CAPN14: variants seen among roughly 807,000 people sequenced by gnomAD.
CAPN14 encodes the protein calpain-14.
CAPN14 carries 94 observed loss-of-function variants against 101.3 expected under a neutral mutation model. That is an observed-to-expected ratio of 0.93 (90% CI 0.79 to 1.10). The LOEUF is 1.10. Ranked by LOEUF, CAPN14 falls within the 50% of genes least tolerant of loss-of-function variation. The probability of loss-of-function intolerance (pLI) is 0.00; values close to 1 mark genes in which losing one functional copy is unlikely to be tolerated. For synonymous variants in CAPN14, 338 were observed against 317.9 expected, an observed-to-expected ratio of 1.06 and a Z score of -0.67; for missense variants, 837 against 828.4, an observed-to-expected ratio of 1.01 and a Z score of -0.13.
At position 31,197,312 on chromosome 2, in the gene CAPN14, T is replaced by G. The variant is rs1681516778; in HGVS notation, c.812A>C (p.Glu271Ala). The G allele has an allele frequency of 7.7e-6, 12 of 1,550,796 alleles. No homozygotes were observed. Among genetic ancestry groups the G allele is most frequent in the Non-Finnish European group, 1.0e-5 (12 of 1,145,986 alleles). Residue 271 changes from glutamate to alanine, a missense_variant, in exon 8 of 22, where the codon GAA (glutamate) becomes GCA (alanine). Glu to Ala is a moderately radical substitution (Grantham distance 107). Coordinates refer to ENST00000403897, the MANE Select transcript of CAPN14 (RefSeq NM_001145122.2). ...IRKVTCKHRPEYLVKLRNPWG... is the reference protein window; with the variant it reads ...IRKVTCKHRPAYLVKLRNPWG... ...GGGGTTCCGTAGCTTGACGAGATAT[T>G]CAGGTCTATGTTTGCAGGTCACCTG...
At chr2:31,229,003 A>T (rs1683107021) in intron 1 of CAPN14, among the ~76,000 whole-genome samples, 2 of 152,234 alleles carry the variant, frequency 1.3e-5, no homozygotes, top group Non-Finnish European at 2.9e-5. Flanking sequence ...GCTGAAAACA[A>T]ATGTTGAATG....
chr2:31,219,228 G>T (rs1682787231), upstream of CAPN14, among the ~76,000 whole-genome samples: 2 of 152,108 alleles, frequency 1.3e-5, no homozygotes, highest in Admixed American at 1.3e-4. Flanking sequence ...AGGCCCAAGG[G>T]CCATTTCCTC....
At chr2:31,180,913 C>T (rs915348830) in intron 17 of CAPN14, 23 bp downstream of exon 17, 3 of 1,547,970 alleles carry the variant, frequency 1.9e-6, no homozygotes, top group Non-Finnish European at 2.6e-6. Context: ...AGCAAGCATC[C>T]ACCCACAAAC....
Position 31,230,100 on chromosome 2 carries a change from G to T in CAPN14, c.-176-3449C>A, listed in dbSNP as rs1029808809. The stretch of plus-strand genomic sequence containing the variant: ...TATATAGGTAAACTAGTGTCATGGA[G>T]GTCTGTTGTACAGATGATTTCATCA... On this transcript the variant is annotated intron_variant and NMD_transcript_variant, in intron 1 of 21. Transcript: ENST00000398824. The surrounding 1 kb of genome is among the most constrained non-coding windows in gnomAD (Gnocchi z 4.3). 6.6e-6 allele frequency among the ~76,000 whole-genome samples: 1 copy of T among 152,108 alleles called. No homozygotes were observed. The highest frequency in any genetic ancestry group is 1.5e-5 in the Non-Finnish European group (1 of 68,026).
In CAPN14 at chr2:31,174,576, G is replaced by A; in HGVS notation, c.*105C>T. On this transcript the variant is annotated 3_prime_UTR_variant, in exon 22 of 22. Coordinates refer to ENST00000403897, the MANE Select transcript of CAPN14 (RefSeq NM_001145122.2). ...TGAGAAGGTGACGGCTAGTGAGGCT[G>A]TCCTGAAGATCAGTAAGTAGGGTGG... is the stretch of plus-strand genomic sequence containing the variant. 2.4e-6 allele frequency: 3 copies of A among 1,229,694 alleles called. No homozygotes were observed. The highest frequency in any genetic ancestry group is 2.3e-6 in the Non-Finnish European group (2 of 859,616). The allele number at this position is 1,229,694 out of a possible 1,614,324, so 76.2% of individuals were successfully genotyped here.
At chr2:31,183,746 A>G (rs998581093) in intron 16 of CAPN14, among the ~76,000 whole-genome samples, 4 of 151,802 alleles carry the variant, frequency 2.6e-5, no homozygotes, top group African/African-American at 9.7e-5. Context: ...GTGGGACTGT[A>G]AACTAGTCCT....
intron 2 of CAPN14, among the ~76,000 whole-genome samples, chr2:31,225,368 G>A (rs1682989566): frequency 6.6e-6 from 1 of 151,924 alleles, no homozygotes; most frequent in African/African-American, 2.4e-5. Flanking sequence ...GGGCTGGAGT[G>A]AGAGAAAAAA....
intron 1 of CAPN14, among the ~76,000 whole-genome samples, chr2:31,227,458 G>A (rs1471499448): frequency 6.6e-6 from 1 of 152,126 alleles, no homozygotes; most frequent in African/African-American, 2.4e-5. Flanking sequence ...CCTCACCTGT[G>A]TATTTTTATT....
upstream of CAPN14, among the ~76,000 whole-genome samples, chr2:31,220,961 C>G (rs58424184): frequency 5.3e-3 from 802 of 152,078 alleles, 10 homozygotes; most frequent in African/African-American, 0.019. Flanking sequence ...ATTGATGATT[C>G]CATATATAAC....
intron 2 of CAPN14, among the ~76,000 whole-genome samples, chr2:31,204,927 G>A (rs1681993211): frequency 6.6e-6 from 1 of 152,166 alleles, no homozygotes; most frequent in African/African-American, 2.4e-5. Flanking sequence ...ATTGCCATCT[G>A]AAGTAGGGGC....
At chr2:31,180,335 A>G (rs1448641744) in intron 17 of CAPN14, among the ~76,000 whole-genome samples, 2 of 151,494 alleles carry the variant, frequency 1.3e-5, no homozygotes, top group Non-Finnish European at 2.9e-5. Context: ...TGTCTTTACA[A>G]CCCCCCTTAG....
At chr2:31,222,572 G>T (rs777089726) in intron 2 of CAPN14, among the ~76,000 whole-genome samples, 1 of 152,172 alleles carries the variant, frequency 6.6e-6, no homozygotes, top group Non-Finnish European at 1.5e-5. Flanking sequence ...TGTTTGTTTT[G>T]TAATGAATAT....
rs1680170325 is a variant in CAPN14, at chr2:31,173,919, C to A, written c.*762G>T. The A allele has an allele frequency of 6.6e-6, 1 of 152,058 alleles. No homozygotes were observed. Among genetic ancestry groups the A allele is most frequent in the African/African-American group, 2.4e-5 (1 of 41,366 alleles). 9.4% of individuals were successfully genotyped at this position (152,058 alleles called of 1,614,324 possible). On this transcript the variant is annotated 3_prime_UTR_variant, in exon 22 of 22. Transcript: ENST00000403897. Reference sequence around the variant, plus strand: ...GTTTTTGTCCTTTGAAGTAGATAGACAGAGAATTTCTGGACAGATTTGAAA... The same window carrying A: ...GTTTTTGTCCTTTGAAGTAGATAGAAAGAGAATTTCTGGACAGATTTGAAA...
intron 2 of CAPN14, 103 bp from the exon 3 acceptor site, chr2:31,203,242 C>G (rs1490717800): frequency 1.2e-6 from 1 of 829,616 alleles, no homozygotes; most frequent in East Asian, 2.7e-5. Flanking sequence ...CTTATGGGGA[C>G]AAAGATACAG....
chr2:31,231,571 A>G (rs1483667819), intron 1 of CAPN14, among the ~76,000 whole-genome samples: 4 of 152,158 alleles, frequency 2.6e-5, no homozygotes, highest in Non-Finnish European at 5.9e-5. Flanking sequence ...CCTTTTTTAA[A>G]CAGATAGATT....
intron 21 of CAPN14, among the ~76,000 whole-genome samples, chr2:31,176,305 C>T (rs1002981655): frequency 6.6e-6 from 1 of 152,244 alleles, no homozygotes; most frequent in Non-Finnish European, 1.5e-5. Context: ...AAGTGCTTGT[C>T]ATACATATGC....
At chr2:31,225,295 A>T (rs6709366) in intron 2 of CAPN14, among the ~76,000 whole-genome samples, 29,246 of 151,918 alleles carry the variant, frequency 0.19, 4,391 homozygotes, top group African/African-American at 0.42. Context: ...TAAGTTTTAA[A>T]TTTTTAAATG....
At position 31,199,527 on chromosome 2, in the gene CAPN14, C is replaced by T. The variant is rs1681644638; in HGVS notation, c.732G>A (p.Lys244=). Residue 244 remains lysine (K), a synonymous_variant, in exon 7 of 22, where the codon AAG becomes AAA. Transcript: ENST00000403897. ...LIGCQTHSGE[K]ILENGLVEGH... ...CTTCCACCAGCCCATTCTCCAGAAT[C>T]TTCTCCTGCAGAGACAAGAGAGGTC... The T allele has an allele frequency of 1.9e-6, 3 of 1,551,404 alleles. No individual in the cohort carries two copies. The highest frequency in any genetic ancestry group is 1.2e-5 in the South Asian group (1 of 84,054).
chr2:31,215,375 G>A (rs1250792723), intron 1 of CAPN14, among the ~76,000 whole-genome samples: 1 of 151,662 alleles, frequency 6.6e-6, no homozygotes, highest in Admixed American at 6.6e-5. Context: ...TCCTGCATTT[G>A]CCATAGGACT....
Sources: gnomAD v4.1 joint callset for allele counts (sites outside exome capture counted in the v4.1 genomes callset) on GRCh38, gnomAD v4.1.1 for gene constraint, Gnocchi (gnomAD v3.1) non-coding constraint, MANE v1.5 for transcripts, NCBI Gene and HGNC (gene_info 2026-07-23, HGNC 2026-07-21) for gene names.